Variants in CDK14 observed in about 807,000 individuals in gnomAD.
CDK14 encodes the protein cyclin dependent kinase 14.
In CDK14, 34 loss-of-function variants were observed where a neutral mutation model predicts 60.7. That is an observed-to-expected ratio of 0.56 (90% CI 0.43 to 0.75). CDK14 has a LOEUF of 0.75. Among genes scored for constraint, CDK14 ranks in the 30% least tolerant of loss-of-function variants. The probability of loss-of-function intolerance (pLI) is 0.00; values close to 1 mark genes in which losing one functional copy is unlikely to be tolerated. For synonymous variants in CDK14, 197 were observed against 203.7 expected (o/e 0.97, Z 0.28); for missense variants, 482 against 564.1 (o/e 0.85, Z 1.47).
intron 2 of CDK14, among the ~76,000 whole-genome samples, chr7:90,659,863 C>CTCTCTCTCTA (rs1373539656): frequency 2.0e-5 from 3 of 147,140 alleles, no homozygotes; most frequent in Non-Finnish European, 4.5e-5. Context: ...CTCTCTCTCT[C>CTCTCTCTCTA]TCTCTCTCTC....
intron 2 of CDK14, among the ~76,000 whole-genome samples, chr7:90,701,772 C>G (rs957250519): frequency 2.0e-5 from 3 of 152,136 alleles, no homozygotes; most frequent in Non-Finnish European, 2.9e-5. Context: ...AAGAGCTGAA[C>G]AACTGCGCTT....
intron 1 of CDK14, among the ~76,000 whole-genome samples, chr7:90,602,976 T>G (rs562571231): frequency 6.6e-6 from 1 of 152,344 alleles, no homozygotes; most frequent in East Asian, 1.9e-4. Flanking sequence ...TTTTCTATGA[T>G]AGCTTCAGTT....
intron 2 of CDK14, among the ~76,000 whole-genome samples, chr7:90,647,208 C>G (rs894211058): frequency 6.6e-6 from 1 of 152,146 alleles, no homozygotes; most frequent in Non-Finnish European, 1.5e-5. Context: ...TTTGGGAGGA[C>G]ATCCAGAGAC....
chr7:90,945,631 T>C (rs1794078256), intron 8 of CDK14, among the ~76,000 whole-genome samples: 1 of 152,186 alleles, frequency 6.6e-6, no homozygotes, highest in South Asian at 2.1e-4. Context: ...TCTCCTTCCT[T>C]ATGATCATTT....
intron 2 of CDK14, among the ~76,000 whole-genome samples, chr7:90,610,263 T>A (rs1799512023): frequency 6.6e-6 from 1 of 152,198 alleles, no homozygotes; most frequent in Non-Finnish European, 1.5e-5. Context: ...AGCCCTTGAT[T>A]TTGACCTGGC....
intron 8 of CDK14, among the ~76,000 whole-genome samples, chr7:90,932,404 T>A (rs1354501100): frequency 1.3e-5 from 2 of 152,160 alleles, no homozygotes; most frequent in Admixed American, 6.5e-5. Flanking sequence ...ATTGTTAAAA[T>A]TAGGAAAAAT....
intron 1 of CDK14, among the ~76,000 whole-genome samples, chr7:90,600,650 A>C (rs1259416536): frequency 6.6e-6 from 1 of 152,252 alleles, no homozygotes; most frequent in African/African-American, 2.4e-5. Context: ...TCATTATGTC[A>C]GAAAAGAGAA....
chr7:90,605,023 A>G (rs1007694161), intron 2 of CDK14, among the ~76,000 whole-genome samples: 15 of 152,226 alleles, frequency 9.9e-5, no homozygotes, highest in Admixed American at 6.5e-4. Flanking sequence ...CATGGGTGTT[A>G]TCTATACAGT....
At chr7:90,794,658 G>C (rs913368004) in intron 5 of CDK14, among the ~76,000 whole-genome samples, 1 of 152,138 alleles carries the variant, frequency 6.6e-6, no homozygotes. Context: ...CTGTTATCCT[G>C]TTCTTTTTTC....
intron 8 of CDK14, among the ~76,000 whole-genome samples, chr7:90,926,579 T>C (rs1460244473): frequency 6.6e-6 from 1 of 152,142 alleles, no homozygotes; most frequent in Non-Finnish European, 1.5e-5. Context: ...GTAAATTTTC[T>C]TTTCAGATTT....
chr7:90,906,263 G>A (rs1008671398), intron 7 of CDK14, among the ~76,000 whole-genome samples: 16 of 152,076 alleles, frequency 1.1e-4, no homozygotes, highest in African/African-American at 3.6e-4. Flanking sequence ...ATCTTAGATT[G>A]TTGGGAAAAT....
chr7:90,606,688 G>T (rs192359524), intron 2 of CDK14, among the ~76,000 whole-genome samples: 2 of 152,202 alleles, frequency 1.3e-5, no homozygotes, highest in Non-Finnish European at 2.9e-5. Flanking sequence ...TTTAGATTCC[G>T]TATGGGGGTG....
At chr7:90,934,543 G>A (rs1268375353) in intron 8 of CDK14, among the ~76,000 whole-genome samples, 1 of 152,164 alleles carries the variant, frequency 6.6e-6, no homozygotes, top group African/African-American at 2.4e-5. Context: ...TTAAAAGCAT[G>A]GTATCAAGGA....
intron 6 of CDK14, among the ~76,000 whole-genome samples, chr7:90,871,188 G>T (rs749993475): frequency 9.9e-5 from 15 of 151,966 alleles, no homozygotes; most frequent in Non-Finnish European, 2.1e-4. Flanking sequence ...TAACACTTAG[G>T]GTGATAGAAT....
chr7:90,858,270 A>G (rs937959336), intron 5 of CDK14, among the ~76,000 whole-genome samples: 2 of 152,222 alleles, frequency 1.3e-5, no homozygotes, highest in African/African-American at 2.4e-5. Context: ...TTTTACTGAA[A>G]TTGTGGGACA....
At chr7:90,886,854 C>A (rs1477733697) in intron 6 of CDK14, among the ~76,000 whole-genome samples, 1 of 152,074 alleles carries the variant, frequency 6.6e-6, no homozygotes, top group Non-Finnish European at 1.5e-5. Context: ...TAATTTCATA[C>A]CCATGCACAG....
chr7:90,684,097 A>G (rs746886095), intron 2 of CDK14, among the ~76,000 whole-genome samples: 12 of 152,220 alleles, frequency 7.9e-5, no homozygotes, highest in Non-Finnish European at 1.3e-4. Flanking sequence ...AACGACTTCA[A>G]TATATTTACT....
rs1241889738 is a variant in CDK14 at position 90,726,809 on chromosome 7, C to T, written c.366C>T (p.Ser122=). ...SPKVRRHSSP[S]SPTSPKFGKA... ...AAGTTAGGCGGCACTCCAGCCCCAGCTCGGTAAGTGCAGTCTTTTTGTTTA... is the reference window on the plus strand; with the variant it reads ...AAGTTAGGCGGCACTCCAGCCCCAGTTCGGTAAGTGCAGTCTTTTTGTTTA... Residue 122 remains serine, a synonymous_variant, in exon 3 of 15, where the codon AGC becomes AGT. Coordinates refer to ENST00000380050, the MANE Select transcript of CDK14 (RefSeq NM_001287135.2). The T allele has an allele frequency of 6.2e-7, 1 of 1,613,400 alleles. No homozygotes were observed. Among genetic ancestry groups the T allele is most frequent in the Non-Finnish European group, 8.5e-7 (1 of 1,179,706 alleles).
At chr7:90,696,530 C>A (rs1801663378) in intron 2 of CDK14, among the ~76,000 whole-genome samples, 1 of 151,746 alleles carries the variant, frequency 6.6e-6, no homozygotes, top group Non-Finnish European at 1.5e-5. Context: ...GGCCAGGCTT[C>A]TGTCAAACTC....
Sources: allele counts gnomAD v4.1 joint callset (sites outside exome capture counted in the v4.1 genomes callset), GRCh38; gene constraint gnomAD v4.1.1; transcripts MANE v1.5; gene names NCBI Gene and HGNC (gene_info 2026-07-23, HGNC 2026-07-21).